Variants in GAB2 observed in about 807,000 individuals in gnomAD.
GAB2 encodes GRB2 associated binding protein 2, also known as GRB2-associated-binding protein 2.
In GAB2, 26 loss-of-function variants were observed where a neutral mutation model predicts 65.5. The observed-to-expected ratio is 0.40, with a 90% CI of 0.29 to 0.55. The LOEUF (loss-of-function observed/expected upper bound fraction) is 0.55, where lower values mean the gene tolerates loss of function less well. GAB2 is among the 20% of genes least tolerant of loss of function. The probability of loss-of-function intolerance (pLI) is 0.53; values close to 1 mark genes in which losing one functional copy is unlikely to be tolerated. For synonymous variants in GAB2, 321 were observed against 329.6 expected (o/e 0.97, Z 0.28); for missense variants, 884 against 875.8 (o/e 1.01, Z -0.12).
rs906640880 is a variant in GAB2 at position 78,238,222 on chromosome 11, A to G, written c.621-11171T>C. 4.6e-3 allele frequency among the ~76,000 whole-genome samples: 703 copies of G among 151,972 alleles called. 5 individuals carry two copies. The highest frequency in any genetic ancestry group is 7.8e-3 in the Non-Finnish European group (528 of 67,938). ...GGGAAGAAACAAAAAAAAAAAAAAA[A>G]AAAAGAAAATGTGGCAGAAAAAGAT... is the stretch of plus-strand genomic sequence containing the variant. On this transcript the variant is annotated intron_variant, in intron 3 of 9. Transcript: ENST00000361507.
intron 1 of GAB2, among the ~76,000 whole-genome samples, chr11:78,361,875 TAAAC>T (rs1856439743): frequency 7.3e-6 from 1 of 136,530 alleles, no homozygotes; most frequent in African/African-American, 2.5e-5. Flanking sequence ...ATCCTAGAGA[TAAAC>T]TAACATGTGC....
chr11:78,246,200 G>A (rs781238024), intron 3 of GAB2, among the ~76,000 whole-genome samples: 19 of 152,004 alleles, frequency 1.2e-4, no homozygotes, highest in Non-Finnish European at 4.4e-5. Context: ...CCAAAGTGCT[G>A]GGATTACAGG....
chr11:78,249,933 A>G (rs1231826473), intron 3 of GAB2, among the ~76,000 whole-genome samples: 1 of 151,890 alleles, frequency 6.6e-6, no homozygotes, highest in Non-Finnish European at 1.5e-5. Flanking sequence ...ATGATTTTTG[A>G]TAATGAAAAG....
At chr11:78,292,027 T>TGA (rs1176415934) in intron 1 of GAB2, among the ~76,000 whole-genome samples, 5,924 of 141,614 alleles carry the variant, frequency 0.042, 333 homozygotes, top group African/African-American at 0.14. Context: ...TGTGTGTGTG[T>TGA]GTGAGAGAGA....
intron 1 of GAB2, among the ~76,000 whole-genome samples, chr11:78,308,003 G>A (rs1253774742): frequency 6.6e-6 from 1 of 152,084 alleles, no homozygotes; most frequent in African/African-American, 2.4e-5. Context: ...AAAAGGCAGA[G>A]GGAAAACATT....
intron 2 of GAB2, among the ~76,000 whole-genome samples, chr11:78,250,805 A>G (rs1256370116): frequency 3.3e-5 from 5 of 152,188 alleles, no homozygotes; most frequent in Admixed American, 2.0e-4. Context: ...TTGCAGCAAC[A>G]TGAATGCAGC....
chr11:78,226,620 G>GGGGGGGCGCC lies in GAB2; in HGVS notation c.1051_1052insGGCGCCCCCC (p.Pro351ArgfsTer30). ...ACTTGGCTTGGGGGGGCGGGGTGGGGGAGCTATGGCTGAGTCCCCAGGAGT... is the reference window on the plus strand; with the variant it reads ...ACTTGGCTTGGGGGGGCGGGGTGGGGGGGGGGCGCCGAGCTATGGCTGAGTCCCCAGGAGT... On this transcript the variant is annotated frameshift_variant, in exon 4 of 10. Transcript: ENST00000361507. LOFTEE classifies it high-confidence loss of function. The GGGGGGGCGCC allele has an allele frequency of 6.7e-7, 1 of 1,500,584 alleles. No homozygotes were observed. Among genetic ancestry groups the GGGGGGGCGCC allele is most frequent in the Non-Finnish European group, 9.3e-7 (1 of 1,079,044 alleles). The allele number at this position is 1,500,584 out of a possible 1,614,324, so 93.0% of individuals were successfully genotyped here. A position where few individuals can be genotyped will look rare whatever the true frequency, so the allele number is the denominator to read the frequency against.
chr11:78,379,293 T>C lies in GAB2; in HGVS notation c.75+38353A>G, dbSNP rs530066365. Among the ~76,000 whole-genome samples the C allele has an allele frequency of 3.9e-5, 6 of 152,218 alleles. No homozygotes were observed. The South Asian group carries it at 1.2e-3, about 32-fold the overall frequency. On this transcript the variant is annotated intron_variant, in intron 1 of 9. Coordinates refer to ENST00000361507, the MANE Select transcript of GAB2 (RefSeq NM_080491.3). Reference sequence around the variant, plus strand: ...ACTCATCCTGAGTACCAAATTGAAATGCTGATTTGGCAAGATTATTAAAAG... The same window carrying C: ...ACTCATCCTGAGTACCAAATTGAAACGCTGATTTGGCAAGATTATTAAAAG...
chr11:78,410,848 T>C (rs1480083639), intron 1 of GAB2, among the ~76,000 whole-genome samples: 2 of 152,228 alleles, frequency 1.3e-5, no homozygotes, highest in East Asian at 3.8e-4. Flanking sequence ...ATACCAGTTC[T>C]ACACCATCTC....
intron 1 of GAB2, among the ~76,000 whole-genome samples, chr11:78,416,288 C>T (rs12282653): frequency 0.088 from 13,370 of 152,062 alleles, 1,860 homozygotes; most frequent in African/African-American, 0.3. Context: ...AGATTTTTTT[C>T]CCCCAGCAAA....
chr11:78,391,217 C>T (rs1856829885), intron 1 of GAB2, among the ~76,000 whole-genome samples: 1 of 152,108 alleles, frequency 6.6e-6, no homozygotes, highest in African/African-American at 2.4e-5. Context: ...ATCGCTTGAG[C>T]CCGGGAGGTT....
intron 3 of GAB2, among the ~76,000 whole-genome samples, chr11:78,242,743 C>A (rs565466578): frequency 2.0e-5 from 3 of 152,170 alleles, no homozygotes; most frequent in East Asian, 3.9e-4. Context: ...AAAAAAAGAT[C>A]AGAGCAGAAA....
At chr11:78,224,745 G>T (rs1182607988) in intron 5 of GAB2, among the ~76,000 whole-genome samples, 1 of 152,010 alleles carries the variant, frequency 6.6e-6, no homozygotes, top group Non-Finnish European at 1.5e-5. Flanking sequence ...TACCACCCTT[G>T]CCTGGAGTCT....
At chr11:78,356,037 G>A (rs1259550312) in intron 1 of GAB2, among the ~76,000 whole-genome samples, 1 of 152,046 alleles carries the variant, frequency 6.6e-6, no homozygotes, top group East Asian at 1.9e-4. Context: ...GCTGGGTGTG[G>A]TGGTGTGTGC....
At chr11:78,236,664 C>CT (rs150562277) in intron 3 of GAB2, among the ~76,000 whole-genome samples, 1,540 of 152,130 alleles carry the variant, frequency 0.01, 25 homozygotes, top group African/African-American at 0.034. Context: ...CTAAGAAATA[C>CT]TTTTTTTTCA....
intron 1 of GAB2, among the ~76,000 whole-genome samples, chr11:78,413,422 TAA>T (rs976223771): frequency 6.6e-6 from 1 of 152,090 alleles, no homozygotes; most frequent in Non-Finnish European, 1.5e-5. Flanking sequence ...GAAGGTGTTT[TAA>T]AAAAGAGTGG....
chr11:78,368,051 C>T (rs1856520912), intron 1 of GAB2, among the ~76,000 whole-genome samples: 1 of 152,042 alleles, frequency 6.6e-6, no homozygotes, highest in Non-Finnish European at 1.5e-5. Context: ...CTCCTGACCT[C>T]GTGATCCGCC....
chr11:78,340,465 T>C (rs553378343), intron 1 of GAB2, among the ~76,000 whole-genome samples: 4 of 152,290 alleles, frequency 2.6e-5, no homozygotes, highest in African/African-American at 9.6e-5. Context: ...TAGTATTTTG[T>C]TCAGATTTCT....
At chr11:78,328,438 T>G (rs1340203591) in intron 1 of GAB2, among the ~76,000 whole-genome samples, 1 of 152,132 alleles carries the variant, frequency 6.6e-6, no homozygotes, top group East Asian at 1.9e-4. Context: ...TCTTCTGTAA[T>G]AAAACTGACA....
Sources: gnomAD v4.1 joint callset for allele counts (sites outside exome capture counted in the v4.1 genomes callset) on GRCh38, gnomAD v4.1.1 for gene constraint, MANE v1.5 for transcripts, NCBI Gene and HGNC (gene_info 2026-07-23, HGNC 2026-07-21) for gene names.